The following AATF variants were observed in gnomAD, a reference collection of about 807,000 sequenced individuals.
The protein encoded by AATF is protein AATF.
Under a neutral mutation model 63.7 loss-of-function variants are expected in AATF, and 48 were observed. That is an observed-to-expected ratio of 0.75 (90% CI 0.60 to 0.96). The LOEUF (loss-of-function observed/expected upper bound fraction) is 0.96. Among genes scored for constraint, AATF ranks in the 40% least tolerant of loss-of-function variants. The pLI is 0.00. For synonymous variants in AATF, 258 were observed against 247.7 expected, an observed-to-expected ratio of 1.04 and a Z score of -0.39; for missense variants, 639 against 685.7, an observed-to-expected ratio of 0.93 and a Z score of 0.76.
At chr17:36,988,104 A>AG (rs1426512923) in intron 5 of AATF, among the ~76,000 whole-genome samples, 2 of 152,336 alleles carry the variant, frequency 1.3e-5, no homozygotes, top group East Asian at 3.9e-4. Flanking sequence ...ACTGGAGGCC[A>AG]GGAGTTTGAA....
intron 8 of AATF, chr17:36,998,475 C>G (rs1449730605): frequency 6.6e-6 from 1 of 152,132 alleles, no homozygotes; most frequent in Non-Finnish European, 1.5e-5. Context: ...GTTTGAAAAT[C>G]CTTTGAGAAT....
Position 37,009,426 on chromosome 17 carries a change from T to C in AATF, c.1399-9579T>C, listed in dbSNP as rs866346066. On this transcript the variant is annotated intron_variant, in intron 8 of 11. Coordinates refer to ENST00000619387, the MANE Select transcript of AATF (RefSeq NM_012138.4). ...TTCCAAAGTACTAGGATTACAGGTG[T>C]GAACCACCGTGCCTGGCCCCAGTTA... Among the ~76,000 whole-genome samples the C allele has an allele frequency of 8.6e-5, 13 of 151,818 alleles. No individual in the cohort carries two copies. In the South Asian group the frequency reaches 2.7e-3, roughly 32 times the overall value.
chr17:36,995,955 C>G (rs184997688), intron 8 of AATF, among the ~76,000 whole-genome samples: 68 of 152,218 alleles, frequency 4.5e-4, no homozygotes, highest in Admixed American at 1.7e-3. Context: ...TGATTTGAAC[C>G]TGCCTCTGTG....
intron 10 of AATF, among the ~76,000 whole-genome samples, chr17:37,021,447 G>A (rs1443283773): frequency 6.6e-6 from 1 of 152,014 alleles, no homozygotes; most frequent in African/African-American, 2.4e-5. Flanking sequence ...TGGCCAACGT[G>A]GTGAAACCCC....
At chr17:37,013,695 A>G (rs1427897383) in intron 8 of AATF, among the ~76,000 whole-genome samples, 1 of 152,180 alleles carries the variant, frequency 6.6e-6, no homozygotes, top group Non-Finnish European at 1.5e-5. Flanking sequence ...CAACATTGAG[A>G]GCAAATTTCA....
intron 9 of AATF, among the ~76,000 whole-genome samples, chr17:37,020,033 A>G (rs2071457519): frequency 6.6e-6 from 1 of 152,236 alleles, no homozygotes; most frequent in Non-Finnish European, 1.5e-5. Context: ...TTTTCGTTGT[A>G]TAAATCAGGT....
intron 4 of AATF, among the ~76,000 whole-genome samples, chr17:36,962,896 C>T (rs1450537844): frequency 6.6e-6 from 1 of 152,024 alleles, no homozygotes; most frequent in Non-Finnish European, 1.5e-5. Context: ...CCGAGGCAGG[C>T]GAATCACCTG....
intron 11 of AATF, among the ~76,000 whole-genome samples, chr17:37,046,853 C>T (rs147995359): frequency 5.7e-4 from 87 of 152,074 alleles, no homozygotes; most frequent in African/African-American, 2.1e-3. Flanking sequence ...ACCTTCTGTG[C>T]GGCTGGGGGA....
At chr17:36,992,054 AT>A (rs1430819611) in intron 8 of AATF, among the ~76,000 whole-genome samples, 1 of 152,116 alleles carries the variant, frequency 6.6e-6, no homozygotes, top group African/African-American at 2.4e-5. Context: ...TAGCCAAGTA[AT>A]TTGCGACTGC....
intron 11 of AATF, among the ~76,000 whole-genome samples, chr17:37,054,135 G>A (rs113801064): frequency 3.3e-5 from 5 of 152,008 alleles, no homozygotes; most frequent in Admixed American, 6.6e-5. Context: ...AAAGAGGAAG[G>A]GCTGAGGCCA....
intron 4 of AATF, among the ~76,000 whole-genome samples, chr17:36,982,376 T>TGGA (rs1041604157): frequency 6.6e-6 from 1 of 152,090 alleles, no homozygotes; most frequent in African/African-American, 2.4e-5. Flanking sequence ...TTCCTTGAGA[T>TGGA]GGACCCTTGC....
At chr17:37,018,802 C>A (rs1406728011) in intron 8 of AATF, 3 of 569,696 alleles carry the variant, frequency 5.3e-6, no homozygotes, top group Non-Finnish European at 9.4e-6. Flanking sequence ...CTGTTCTCAG[C>A]TACTGCTATA....
chr17:37,028,266 A>G (rs1447592573), intron 10 of AATF, among the ~76,000 whole-genome samples: 1 of 151,970 alleles, frequency 6.6e-6, no homozygotes, highest in Non-Finnish European at 1.5e-5. Flanking sequence ...AAAAATTTAA[A>G]AATTAGCCAG....
Position 36,988,515 on chromosome 17 carries a change from C to T in AATF, c.948-4C>T, listed in dbSNP as rs778843486. On this transcript the variant is annotated splice_polypyrimidine_tract_variant and splice_region_variant and intron_variant, in intron 5 of 11. Coordinates refer to ENST00000619387, the MANE Select transcript of AATF (RefSeq NM_012138.4). ...TGGACATAATATTCTTACTGCTTTT[C>T]TAGTGAGGAGATTTCTAGTGAAGAT... The T allele has an allele frequency of 6.2e-6, 10 of 1,613,602 alleles. No individual in the cohort carries two copies. In the South Asian group the frequency reaches 1.1e-4, roughly 18 times the overall value.
At chr17:37,004,944 G>C (rs2071330986) in intron 8 of AATF, among the ~76,000 whole-genome samples, 1 of 152,174 alleles carries the variant, frequency 6.6e-6, no homozygotes, top group Non-Finnish European at 1.5e-5. Context: ...GAAGTACAGG[G>C]AAATAATCCC....
At chr17:37,043,946 A>T (rs1055222464) in intron 11 of AATF, among the ~76,000 whole-genome samples, 1 of 152,334 alleles carries the variant, frequency 6.6e-6, no homozygotes, top group South Asian at 2.1e-4. Flanking sequence ...TAAATAAACA[A>T]ACTTTGTGTT....
intron 4 of AATF, among the ~76,000 whole-genome samples, chr17:36,961,094 C>CT (rs1467591669): frequency 1.3e-5 from 2 of 152,086 alleles, no homozygotes; most frequent in Admixed American, 1.3e-4. Context: ...TAAGTATGTA[C>CT]TATTTTCAAG....
intron 11 of AATF, among the ~76,000 whole-genome samples, chr17:37,040,721 G>A (rs983110903): frequency 2.7e-5 from 4 of 148,592 alleles, no homozygotes; most frequent in East Asian, 3.9e-4. Flanking sequence ...TATTTGGGGG[G>A]GGGAACTTCT....
In AATF at chr17:37,019,092, C is replaced by G. The variant is rs1445550714; in HGVS notation, c.1466+20C>G. Reference sequence around the variant, plus strand: ...GGGAAGGTAATTTAGATACAGCTTTCTGTTCATGCAAGCAGCCTATGTAAT... The same window carrying G: ...GGGAAGGTAATTTAGATACAGCTTTGTGTTCATGCAAGCAGCCTATGTAAT... On this transcript the variant is annotated intron_variant, in intron 9 of 11. Transcript: ENST00000619387. 6.2e-7 allele frequency: 1 copy of G among 1,608,098 alleles called. No individual in the cohort carries two copies. The highest frequency in any genetic ancestry group is 2.2e-5 in the East Asian group (1 of 44,850).
Sources: allele counts gnomAD v4.1 joint callset (sites outside exome capture counted in the v4.1 genomes callset), GRCh38; gene constraint gnomAD v4.1.1; transcripts MANE v1.5; gene names NCBI Gene and HGNC (gene_info 2026-07-23, HGNC 2026-07-21).